CDH12: variants seen among roughly 807,000 people sequenced by gnomAD.
CDH12 encodes cadherin 12, also known as cadherin-12.
CDH12 carries 41 observed loss-of-function variants against 74.1 expected under a neutral mutation model. The observed-to-expected ratio is 0.55, with a 90% CI of 0.43 to 0.72. The LOEUF (loss-of-function observed/expected upper bound fraction) is 0.72. Ranked by LOEUF, CDH12 falls within the 30% of genes least tolerant of loss-of-function variation. CDH12 has a pLI of 0.00. For synonymous variants in CDH12, 399 were observed against 355.0 expected (o/e 1.12, Z -1.39); for missense variants, 945 against 977.2 (o/e 0.97, Z 0.44).
At chr5:22,552,307 A>G (rs10044549) in intron 1 of CDH12, among the ~76,000 whole-genome samples, 24,570 of 152,070 alleles carry the variant, frequency 0.16, 2,554 homozygotes, top group East Asian at 0.37. Flanking sequence ...AAACAAACAA[A>G]CATATCATCA....
At chr5:22,283,251 T>TACACACACACAC (rs70959712) in intron 3 of CDH12, among the ~76,000 whole-genome samples, 11 of 102,016 alleles carry the variant, frequency 1.1e-4, no homozygotes, top group African/African-American at 3.3e-4. Flanking sequence ...TATATATATA[T>TACACACACACAC]ACACACACAC....
At chr5:22,409,072 G>C (rs1743072074) in intron 2 of CDH12, among the ~76,000 whole-genome samples, 1 of 151,906 alleles carries the variant, frequency 6.6e-6, no homozygotes, top group Admixed American at 6.6e-5. Flanking sequence ...TGCATCCTTA[G>C]GGATCCCCTG....
At chr5:22,681,337 G>A (rs1263956947) in intron 1 of CDH12, among the ~76,000 whole-genome samples, 1 of 150,720 alleles carries the variant, frequency 6.6e-6, no homozygotes, top group African/African-American at 2.4e-5. Flanking sequence ...GGCATGAGAG[G>A]GTAAACTTCA....
At chr5:22,741,102 G>T (rs1163873579) in intron 1 of CDH12, among the ~76,000 whole-genome samples, 1 of 152,014 alleles carries the variant, frequency 6.6e-6, no homozygotes, top group East Asian at 1.9e-4. Flanking sequence ...TATTACAAAA[G>T]GTTATTTCTG....
Position 22,262,250 on chromosome 5 carries a change from C to T in CDH12, c.-332-49607G>A, listed in dbSNP as rs1213979486. 2.1e-5 allele frequency among the ~76,000 whole-genome samples: 3 copies of T among 146,026 alleles called. No individual in the cohort carries two copies. The East Asian group carries it at 6.4e-4, about 31-fold the overall frequency. On this transcript the variant is annotated intron_variant, in intron 3 of 14. Transcript: ENST00000382254. Reference sequence around the variant, plus strand: ...GTCATCTAGCATTAGGTATATCTCCCAATGCTATCCCTCCCCCCTCCCCCC... The same window carrying T: ...GTCATCTAGCATTAGGTATATCTCCTAATGCTATCCCTCCCCCCTCCCCCC...
At chr5:22,290,614 G>A (rs1190515525) in intron 3 of CDH12, among the ~76,000 whole-genome samples, 2 of 152,072 alleles carry the variant, frequency 1.3e-5, no homozygotes, top group Non-Finnish European at 2.9e-5. Context: ...AAAGAAAAAG[G>A]AGTGAAAATG....
rs115566019 is a variant in CDH12 at position 21,877,922 on chromosome 5, A to G, written c.527-23132T>C. On this transcript the variant is annotated intron_variant, in intron 6 of 14. Coordinates refer to ENST00000382254, the MANE Select transcript of CDH12 (RefSeq NM_004061.5). ...ATGTGTGGAAAATCCATTAAAATAA[A>G]GTCTAGAACTTATTATAGCAGTTCA... Among the ~76,000 whole-genome samples the G allele has an allele frequency of 6.4e-3, 975 of 152,350 alleles. 17 individuals are homozygous for G. The highest frequency in any genetic ancestry group is 0.022 in the African/African-American group (922 of 41,580).
intron 3 of CDH12, among the ~76,000 whole-genome samples, chr5:22,345,344 G>A (rs1003827501): frequency 6.6e-5 from 10 of 152,008 alleles, no homozygotes; most frequent in Non-Finnish European, 1.0e-4. Context: ...TGGTCCTTTT[G>A]AAATTTAATG....
rs1580174297 is a variant in CDH12 at position 22,053,258 on chromosome 5, T to C, written c.231+25188A>G. 2.6e-5 allele frequency among the ~76,000 whole-genome samples: 4 copies of C among 152,122 alleles called. No homozygotes were observed. The South Asian group carries it at 8.3e-4, about 31-fold the overall frequency. Reference sequence around the variant, plus strand: ...ATCTGATAATTGAGTAATTGTGATGTCCTTCTTCAGGGACTGAATTAACAT... The same window carrying C: ...ATCTGATAATTGAGTAATTGTGATGCCCTTCTTCAGGGACTGAATTAACAT... On this transcript the variant is annotated intron_variant, in intron 5 of 14. Coordinates refer to ENST00000382254, the MANE Select transcript of CDH12 (RefSeq NM_004061.5).
chr5:21,903,983 C>T (rs7445368), intron 6 of CDH12, among the ~76,000 whole-genome samples: 111,012 of 151,744 alleles, frequency 0.73, 43,173 homozygotes, highest in Non-Finnish European at 0.86. Context: ...AAATGTCTTG[C>T]TAAGTGTCCT....
intron 4 of CDH12, among the ~76,000 whole-genome samples, chr5:22,169,596 G>A (rs1242571551): frequency 1.3e-5 from 2 of 151,906 alleles, no homozygotes; most frequent in Non-Finnish European, 2.9e-5. Context: ...GCATTCTGGA[G>A]TATAATTACA....
At chr5:22,509,285 C>T (rs2126668539) in intron 1 of CDH12, among the ~76,000 whole-genome samples, 1 of 152,278 alleles carries the variant, frequency 6.6e-6, no homozygotes, top group Admixed American at 6.5e-5. Context: ...ACAAGCTGAA[C>T]AAAACCACAG....
chr5:22,318,867 G>T (rs1376970134), intron 3 of CDH12, among the ~76,000 whole-genome samples: 3 of 152,000 alleles, frequency 2.0e-5, no homozygotes, highest in Non-Finnish European at 2.9e-5. Context: ...ATTAAAATAT[G>T]CCTGTCTGGT....
chr5:21,751,556 G>A lies in CDH12; in HGVS notation c.*181C>T, dbSNP rs1744050565. 9 of 591,818 alleles carry A rather than the reference G, an allele frequency of 1.5e-5. No homozygotes were observed. In the South Asian group the frequency reaches 2.0e-4, roughly 13 times the overall value. 36.7% of individuals were successfully genotyped at this position (591,818 alleles called of 1,614,324 possible). Reference sequence around the variant, plus strand: ...CAGAATAAACCAAAACTGACAATATGATTAATTTAGTAACTTACTAGAAAC... The same window carrying A: ...CAGAATAAACCAAAACTGACAATATAATTAATTTAGTAACTTACTAGAAAC... On this transcript the variant is annotated 3_prime_UTR_variant, in exon 15 of 15. Coordinates refer to ENST00000382254, the MANE Select transcript of CDH12 (RefSeq NM_004061.5).
At position 21,751,820 on chromosome 5, in the gene CDH12, GA is replaced by G; in HGVS notation, c.2301del (p.Leu768Ter). 6.2e-7 allele frequency: 1 copy of G among 1,614,094 alleles called. No individual in the cohort carries two copies. Among genetic ancestry groups the G allele is most frequent in the East Asian group, 2.2e-5 (1 of 44,864 alleles). ...LTTEADQDYD[Y>X]LTDWGPRFKV... ...TTAAAGCGGGGTCCCCAGTCTGTCA[GA>G]TAGTCATAGTCCTGGTCGGCTTCTG... On this transcript the variant is annotated frameshift_variant, in exon 15 of 15. Transcript: ENST00000382254. LOFTEE classifies it high-confidence loss of function.
At chr5:22,359,435 C>A (rs1197407732) in intron 3 of CDH12, among the ~76,000 whole-genome samples, 1 of 152,052 alleles carries the variant, frequency 6.6e-6, no homozygotes. Context: ...AAAAGCAAGT[C>A]CTTAGAGATC....
rs566113750 is a variant in CDH12, at chr5:22,140,511, C to A, written c.-186-61649G>T. ...ATTTGTATGTGTTTTTTCACAACTG[C>A]CTCTGTGCATGTGTGTGTGTGTGTG... On this transcript the variant is annotated intron_variant, in intron 4 of 14. Coordinates refer to ENST00000382254, the MANE Select transcript of CDH12 (RefSeq NM_004061.5). Among the ~76,000 whole-genome samples, 3 of 152,116 alleles carry A rather than the reference C, an allele frequency of 2.0e-5. No homozygotes were observed. The South Asian group carries it at 6.2e-4, about 32-fold the overall frequency.
intron 1 of CDH12, among the ~76,000 whole-genome samples, chr5:22,584,953 TA>T (rs529924440): frequency 7.9e-5 from 12 of 152,046 alleles, no homozygotes; most frequent in Non-Finnish European, 1.3e-4. Flanking sequence ...AATTTACTAC[TA>T]AAAAAAACCT....
chr5:22,612,215 G>T (rs942860875), intron 1 of CDH12, among the ~76,000 whole-genome samples: 5 of 151,866 alleles, frequency 3.3e-5, no homozygotes, highest in African/African-American at 7.3e-5. Flanking sequence ...ATTTATCAGT[G>T]GAACCTCCAT....
Sources: gnomAD v4.1 joint callset for allele counts (sites outside exome capture counted in the v4.1 genomes callset) on GRCh38, gnomAD v4.1.1 for gene constraint, MANE v1.5 for transcripts, NCBI Gene and HGNC (gene_info 2026-07-23, HGNC 2026-07-21) for gene names.